The following COL4A4 variants were observed in gnomAD, a reference collection of about 807,000 sequenced individuals.
COL4A4 encodes collagen alpha-4(IV) chain.
Under a neutral mutation model 192.9 loss-of-function variants are expected in COL4A4, and 105 were observed. The observed-to-expected ratio is 0.54, with a 90% CI of 0.46 to 0.64. The LOEUF is 0.64. Ranked by LOEUF, COL4A4 falls within the 30% of genes least tolerant of loss-of-function variation. The pLI is 0.00. For missense variants in COL4A4, 1,967 were observed against 2,169.3 expected (o/e 0.91, Z 1.85); for synonymous variants, 762 against 769.9 (o/e 0.99, Z 0.17).
chr2:227,007,332 T>C lies in COL4A4; in HGVS notation c.5066A>G (p.Tyr1689Cys). 6.2e-7 allele frequency: 1 copy of C among 1,614,240 alleles called. No individual in the cohort carries two copies. Among genetic ancestry groups the C allele is most frequent in the Non-Finnish European group, 8.5e-7 (1 of 1,180,042 alleles). Residue 1689 changes from tyrosine to cysteine, a missense_variant, in exon 48 of 48, where the codon TAT (tyrosine) becomes TGT (cysteine). Tyr to Cys is a radical substitution (Grantham distance 194, BLOSUM62 -2). Transcript: ENST00000396625. Reference protein sequence around the residue: ...KISRCQVCVKYS With the variant: ...KISRCQVCVKCS ...TGGTGAATTTCGCATTCTCTAGCTA[T>C]ACTTCACGCAGACCTGGCACCGGCT...
chr2:227,110,929 CT>C (rs1336867073), intron 9 of COL4A4, among the ~76,000 whole-genome samples: 40 of 152,338 alleles, frequency 2.6e-4, no homozygotes, highest in African/African-American at 9.4e-4. Flanking sequence ...ATCCACCTGC[CT>C]TGGCCTCCCA....
intron 44 of COL4A4, among the ~76,000 whole-genome samples, chr2:227,013,227 C>A (rs1025422937): frequency 6.6e-6 from 1 of 152,130 alleles, no homozygotes; most frequent in Non-Finnish European, 1.5e-5. Context: ...GAATTACTAG[C>A]CTTCTCCAGG....
At position 227,056,013 on chromosome 2, in the gene COL4A4, G is replaced by GA; in HGVS notation, c.2647_2648insT (p.Pro883LeufsTer14). ...ACCTGGGATTCCTGGGAGGCCTGGG[G>GA]GACCATGTGCCCCAGGCCGTCCTGG... On this transcript the variant is annotated frameshift_variant, in exon 30 of 48. Coordinates refer to ENST00000396625, the MANE Select transcript of COL4A4 (RefSeq NM_000092.5). LOFTEE classifies it high-confidence loss of function. 1.2e-6 allele frequency: 2 copies of GA among 1,613,914 alleles called. No individual in the cohort carries two copies. Among genetic ancestry groups the GA allele is most frequent in the Non-Finnish European group, 1.7e-6 (2 of 1,179,894 alleles).
downstream of COL4A4, among the ~76,000 whole-genome samples, chr2:227,000,137 T>TA (rs1014139088): frequency 6.6e-6 from 1 of 152,230 alleles, no homozygotes; most frequent in African/African-American, 2.4e-5. Flanking sequence ...AGATAATTAT[T>TA]AATGGAATTG....
chr2:226,988,430 G>T, the COL4A4 span: 2 of 1,550,386 alleles, frequency 1.3e-6, no homozygotes, highest in East Asian at 4.9e-5. Flanking sequence ...CCTGAAGCAG[G>T]CCGCAGTTTG....
chr2:227,139,412 T>C (rs1411276835), intron 4 of COL4A4, among the ~76,000 whole-genome samples: 1 of 152,246 alleles, frequency 6.6e-6, no homozygotes, highest in African/African-American at 2.4e-5. Flanking sequence ...TTTGATCTAA[T>C]ACTTTATCAC....
At chr2:227,012,998 G>A (rs1964120241) in intron 44 of COL4A4, among the ~76,000 whole-genome samples, 1 of 152,166 alleles carries the variant, frequency 6.6e-6, no homozygotes, top group Non-Finnish European at 1.5e-5. Flanking sequence ...CAAGTGCAGA[G>A]GCCATCAACC....
chr2:227,012,585 A>T (rs1381754199), intron 44 of COL4A4, among the ~76,000 whole-genome samples: 10 of 149,618 alleles, frequency 6.7e-5, no homozygotes, highest in Non-Finnish European at 1.3e-4. Context: ...GGAGGTGTTG[A>T]GAGACAGGTT....
chr2:227,091,849 T>C (rs1193165680), intron 20 of COL4A4, among the ~76,000 whole-genome samples: 6 of 150,832 alleles, frequency 4.0e-5, no homozygotes, highest in Admixed American at 6.6e-5. Flanking sequence ...TGAACCAAGA[T>C]TGCATCACTG....
intron 1 of COL4A4, among the ~76,000 whole-genome samples, chr2:227,150,399 C>G (rs1273482900): frequency 6.6e-6 from 1 of 152,070 alleles, no homozygotes; most frequent in South Asian, 2.1e-4. Flanking sequence ...GTGGCAGAAC[C>G]AGTTTGTTGA....
chr2:227,104,040 G>C lies in COL4A4; in HGVS notation c.748C>G (p.Gln250Glu). 2.5e-6 allele frequency: 4 copies of C among 1,612,576 alleles called. No individual in the cohort carries two copies. Among genetic ancestry groups the C allele is most frequent in the Non-Finnish European group, 3.4e-6 (4 of 1,179,672 alleles). ...GQMGDPGEVG[Q>E]QGSPGPTLLV... ...AGGGTGGGTCCAGGAGAACCTTGCT[G>C]ACCAACCTCACCCTTAAAAAAAAAA... The change falls in exon 13 of 48, where the codon CAG becomes GAG. Residue 250 changes from glutamine (Q) to glutamate (E), a missense_variant. Physicochemically the swap from Gln to Glu is conservative, Grantham distance 29. Transcript: ENST00000396625.
At chr2:227,110,980 G>A (rs538718582) in intron 9 of COL4A4, among the ~76,000 whole-genome samples, 8 of 152,206 alleles carry the variant, frequency 5.3e-5, no homozygotes, top group South Asian at 2.1e-4. Flanking sequence ...ACGCCTGGCC[G>A]GCAAAACTGC....
At position 227,077,984 on chromosome 2, in the gene COL4A4, C is replaced by G. The variant is rs1445668955; in HGVS notation, c.1897G>C (p.Gly633Arg). 2 of 1,613,740 alleles carry G rather than the reference C, an allele frequency of 1.2e-6. No individual in the cohort carries two copies. Among genetic ancestry groups the G allele is most frequent in the Non-Finnish European group, 8.5e-7 (1 of 1,180,008 alleles). The change falls in exon 25 of 48, where the codon GGA (glycine) becomes CGA (arginine). Residue 633 changes from glycine to arginine, a missense_variant. Transcript: ENST00000396625. ...CGCTCTCCTGGTGGACCAGGAAATC[C>G]CAGTCCTGGGGGCCCCACAGGTCCT... Reference protein sequence around the residue: ...KAGPVGPPGLGFPGPPGERGH... With the variant: ...KAGPVGPPGLRFPGPPGERGH...
At chr2:227,103,015 A>G in intron 14 of COL4A4, 129 bp downstream of exon 14, 1 of 1,043,040 alleles carries the variant, frequency 9.6e-7, no homozygotes, top group Non-Finnish European at 1.5e-6. Context: ...GTATTATGAT[A>G]AGATAGTGAA....
intron 44 of COL4A4, among the ~76,000 whole-genome samples, chr2:227,013,618 T>C (rs1354034474): frequency 6.6e-6 from 1 of 152,218 alleles, no homozygotes; most frequent in Non-Finnish European, 1.5e-5. Flanking sequence ...CCAGCCCTGT[T>C]GTGGCTCCTT....
In COL4A4 at chr2:227,073,092, G is replaced by C. The variant is rs116297206; in HGVS notation, c.1987+4802C>G. Among the ~76,000 whole-genome samples the C allele has an allele frequency of 4.2e-3, 643 of 151,918 alleles. 7 individuals are homozygous for C. Among genetic ancestry groups the C allele is most frequent in the African/African-American group, 0.014 (583 of 41,352 alleles). On this transcript the variant is annotated intron_variant, in intron 25 of 47. Coordinates refer to ENST00000396625, the MANE Select transcript of COL4A4 (RefSeq NM_000092.5). ...AATAAACAGCATCAAAATTAGAAAA[G>C]AGGAAGTCAAACTATCACTGTTTGC...
chr2:227,133,751 G>A (rs565712031), intron 4 of COL4A4, among the ~76,000 whole-genome samples: 1 of 152,176 alleles, frequency 6.6e-6, no homozygotes, highest in Admixed American at 6.5e-5. Context: ...CATTAGCCAA[G>A]TGCGGTGGGG....
In COL4A4 at chr2:227,004,446, CATAG is replaced by C. The variant is rs1248432391; in HGVS notation, c.*2875_*2878del. ...ACAGTCCCCACTGGACCTTTCACCCCATAGGAAGTCATTTGGACTTCATGGGCAG... is the reference window on the plus strand; with the variant it reads ...ACAGTCCCCACTGGACCTTTCACCCCGAAGTCATTTGGACTTCATGGGCAG... On this transcript the variant is annotated 3_prime_UTR_variant, in exon 48 of 48. Coordinates refer to ENST00000396625, the MANE Select transcript of COL4A4 (RefSeq NM_000092.5). 1 of 152,230 alleles carries C rather than the reference CATAG, an allele frequency of 6.6e-6. No individual in the cohort carries two copies. Among genetic ancestry groups the C allele is most frequent in the African/African-American group, 2.4e-5 (1 of 41,446 alleles). 9.4% of individuals were successfully genotyped at this position (152,230 alleles called of 1,614,324 possible). A position where few individuals can be genotyped will look rare whatever the true frequency, so the allele number is the denominator to read the frequency against.
chr2:227,104,414 C>CAA (rs60259710), intron 12 of COL4A4, among the ~76,000 whole-genome samples: 55,472 of 96,338 alleles, frequency 0.58, 15,439 homozygotes, highest in Non-Finnish European at 0.63. Flanking sequence ...ACTAAAAATA[C>CAA]AAAAAAAAAA....
Sources: allele counts gnomAD v4.1 joint callset (sites outside exome capture counted in the v4.1 genomes callset), GRCh38; gene constraint gnomAD v4.1.1; transcripts MANE v1.5; gene names NCBI Gene and HGNC (gene_info 2026-07-23, HGNC 2026-07-21).